TSTD2: variants seen among roughly 807,000 people sequenced by gnomAD.
TSTD2 encodes thiosulfate sulfurtransferase like domain containing 2.
Under a neutral mutation model 47.9 loss-of-function variants are expected in TSTD2, and 37 were observed. The observed-to-expected ratio is 0.77, with a 90% CI of 0.59 to 1.02. The LOEUF (loss-of-function observed/expected upper bound fraction) is 1.02. TSTD2 is among the 50% of genes least tolerant of loss of function. TSTD2 has a pLI of 0.00. For synonymous variants in TSTD2, 201 were observed against 215.9 expected (o/e 0.93, Z 0.61); for missense variants, 586 against 616.0 (o/e 0.95, Z 0.52).
chr9:97,630,325 G>C (rs894217394), intron 1 of TSTD2, among the ~76,000 whole-genome samples: 7 of 152,106 alleles, frequency 4.6e-5, no homozygotes, highest in African/African-American at 1.4e-4. Context: ...AGCTTATTTT[G>C]ATTTATGTAC....
rs749897693 is a variant in TSTD2, at chr9:97,605,611, T to G, written c.985A>C (p.Ile329Leu). 5 of 1,614,242 alleles carry G rather than the reference T, an allele frequency of 3.1e-6. No individual in the cohort carries two copies. The East Asian group carries it at 1.1e-4, about 36-fold the overall frequency. ...GRFQGCLAPD[I>L]RKFSYFPSYV... ...CTAGGGAAGTAACTGAATTTCCTGATGTCTGGGGCTAAGCAGCCTTGGAAT... is the reference window on the plus strand; with the variant it reads ...CTAGGGAAGTAACTGAATTTCCTGAGGTCTGGGGCTAAGCAGCCTTGGAAT... The change falls in exon 8 of 10, where the codon ATC becomes CTC. Residue 329 changes from isoleucine (I) to leucine (L), a missense_variant. Coordinates refer to ENST00000341170, the MANE Select transcript of TSTD2 (RefSeq NM_139246.5).
Position 97,610,149 on chromosome 9 carries a change from C to G in TSTD2, c.835+197G>C, listed in dbSNP as rs1259462707. On this transcript the variant is annotated intron_variant, in intron 6 of 9. Coordinates refer to ENST00000341170, the MANE Select transcript of TSTD2 (RefSeq NM_139246.5). ...TCACCAAGAGGAATAAGATAGGTCA[C>G]TCGAAGAGGTGAGTCTTCAACCCCA... The G allele has an allele frequency of 5.5e-5, 24 of 432,556 alleles. No individual in the cohort carries two copies. The East Asian group carries it at 8.0e-4, about 14-fold the overall frequency. The allele number at this position is 432,556 out of a possible 1,614,324, so 26.8% of individuals were successfully genotyped here.
chr9:97,600,458 C>T lies in TSTD2; in HGVS notation c.*2011G>A, dbSNP rs1826231675. The stretch of plus-strand genomic sequence containing the variant: ...TTTAATACTGGAGTTAGAACTTTTT[C>T]CTTATTGAATGCCAACCTTATGATG... On this transcript the variant is annotated 3_prime_UTR_variant, in exon 10 of 10. Coordinates refer to ENST00000341170, the MANE Select transcript of TSTD2 (RefSeq NM_139246.5). The T allele has an allele frequency of 1.0e-6, 1 of 985,462 alleles. No individual in the cohort carries two copies. Among genetic ancestry groups the T allele is most frequent in the Non-Finnish European group, 1.2e-6 (1 of 830,060 alleles). The allele number at this position is 985,462 out of a possible 1,614,324, so 61.0% of individuals were successfully genotyped here.
Position 97,627,432 on chromosome 9 carries a change from C to T in TSTD2, c.131G>A (p.Ser44Asn). The change falls in exon 2 of 10, where the codon AGT becomes AAT. Residue 44 changes from serine to asparagine, a missense_variant. Coordinates refer to ENST00000341170, the MANE Select transcript of TSTD2 (RefSeq NM_139246.5). ...SSSLKAELDGSTKKKYSFAKK... is the reference protein window; with the variant it reads ...SSSLKAELDGNTKKKYSFAKK... ...TGCAAACGAGTATTTCTTTTTTGTA[C>T]TGCCATCTAATTCTGCTTTAAGACT... 1 of 1,603,630 alleles carries T rather than the reference C, an allele frequency of 6.2e-7. No homozygotes were observed. The highest frequency in any genetic ancestry group is 8.5e-7 in the Non-Finnish European group (1 of 1,174,506).
At chr9:97,619,634 C>T (rs1212574768) in intron 3 of TSTD2, among the ~76,000 whole-genome samples, 1 of 151,976 alleles carries the variant, frequency 6.6e-6, no homozygotes, top group Non-Finnish European at 1.5e-5. Flanking sequence ...AGTCACTGCA[C>T]CTGGCCTCTT....
At chr9:97,613,551 G>A (rs1826492741) in intron 4 of TSTD2, among the ~76,000 whole-genome samples, 1 of 152,122 alleles carries the variant, frequency 6.6e-6, no homozygotes, top group Admixed American at 6.5e-5. Flanking sequence ...GCCCTGCAGA[G>A]TTGGTTGTTT....
Position 97,633,358 on chromosome 9 carries a change from T to C in TSTD2, c.-166A>G, listed in dbSNP as rs1310738225. 3 of 376,822 alleles carry C rather than the reference T, an allele frequency of 8.0e-6. No homozygotes were observed. Among genetic ancestry groups the C allele is most frequent in the Non-Finnish European group, 1.4e-5 (3 of 212,194 alleles). 23.3% of individuals were successfully genotyped at this position (376,822 alleles called of 1,614,324 possible). A position where few individuals can be genotyped will look rare whatever the true frequency, so the allele number is the denominator to read the frequency against. ...CCGCCGCGTATTTGGGTAGAAAAGC[T>C]CGCTCGTGACGTCACCAAGCTCCGG... is the stretch of plus-strand genomic sequence containing the variant. On this transcript the variant is annotated 5_prime_UTR_variant, in exon 1 of 10. Transcript: ENST00000341170.
At chr9:97,606,649 C>A (rs1328600650) in intron 6 of TSTD2, among the ~76,000 whole-genome samples, 3 of 152,188 alleles carry the variant, frequency 2.0e-5, no homozygotes, top group Non-Finnish European at 4.4e-5. Context: ...ATGGCCACTG[C>A]TCTATTGTCA....
At chr9:97,603,306 T>C (rs1826303436) in intron 9 of TSTD2, among the ~76,000 whole-genome samples, 1 of 152,256 alleles carries the variant, frequency 6.6e-6, no homozygotes, top group South Asian at 2.1e-4. Flanking sequence ...TGTTTTTCCC[T>C]GATGACCTCC....
chr9:97,611,367 T>C (rs1320178884), intron 5 of TSTD2, among the ~76,000 whole-genome samples: 1 of 151,604 alleles, frequency 6.6e-6, no homozygotes, highest in African/African-American at 2.4e-5. Flanking sequence ...CAGTGAGCCA[T>C]GATCACGCCA....
intron 1 of TSTD2, among the ~76,000 whole-genome samples, chr9:97,632,691 A>G (rs1197855125): frequency 6.6e-6 from 1 of 152,182 alleles, no homozygotes; most frequent in Non-Finnish European, 1.5e-5. Flanking sequence ...CGGCCGTCAT[A>G]GGAGACTTTT....
intron 6 of TSTD2, 61 bp downstream of exon 6, chr9:97,610,285 T>C (rs1826435531): frequency 1.4e-6 from 2 of 1,459,384 alleles, no homozygotes; most frequent in African/African-American, 1.4e-5. Context: ...CTAGCTTTCT[T>C]ATTTGTCTAT....
rs1413522089 is a variant in TSTD2, at chr9:97,600,240, A to C, written c.*2229T>G. 2.0e-6 allele frequency: 2 copies of C among 988,504 alleles called. No homozygotes were observed. Among genetic ancestry groups the C allele is most frequent in the East Asian group, 2.2e-4 (2 of 8,948 alleles). The allele number at this position is 988,504 out of a possible 1,614,324, so 61.2% of individuals were successfully genotyped here. A position where few individuals can be genotyped will look rare whatever the true frequency, so the allele number is the denominator to read the frequency against. On this transcript the variant is annotated 3_prime_UTR_variant, in exon 10 of 10. Coordinates refer to ENST00000341170, the MANE Select transcript of TSTD2 (RefSeq NM_139246.5). Reference sequence around the variant, plus strand: ...TCCAGAACACAATTTTCCCCTCAGAACAGATAGACAGACTGAAGCCACTGA... The same window carrying C: ...TCCAGAACACAATTTTCCCCTCAGACCAGATAGACAGACTGAAGCCACTGA...
intron 2 of TSTD2, among the ~76,000 whole-genome samples, chr9:97,626,509 C>T (rs772603078): frequency 4.6e-5 from 7 of 152,194 alleles, no homozygotes; most frequent in African/African-American, 7.2e-5. Context: ...CAGGAAGAAA[C>T]GTACCAAAAT....
rs572616761 is a variant in TSTD2 at position 97,606,064 on chromosome 9, G to A, written c.954+79C>T. 3.3e-4 allele frequency: 351 copies of A among 1,078,664 alleles called. No individual in the cohort carries two copies. In the African/African-American group the frequency reaches 5.2e-3, roughly 16 times the overall value. The allele number at this position is 1,078,664 out of a possible 1,614,324, so 66.8% of individuals were successfully genotyped here. A position where few individuals can be genotyped will look rare whatever the true frequency, so the allele number is the denominator to read the frequency against. On this transcript the variant is annotated intron_variant, in intron 7 of 9. Coordinates refer to ENST00000341170, the MANE Select transcript of TSTD2 (RefSeq NM_139246.5). ...GTGGCCACAGGTGGGCACACACAAG[G>A]TCCCCTTGGGAAATATACCACACTG... is the stretch of plus-strand genomic sequence containing the variant.
In TSTD2 at chr9:97,627,275, T is replaced by C. The variant is rs1046887323; in HGVS notation, c.165+123A>G. 3.5e-6 allele frequency: 5 copies of C among 1,420,076 alleles called. No homozygotes were observed. In the African/African-American group the frequency reaches 4.3e-5, roughly 12 times the overall value. The allele number at this position is 1,420,076 out of a possible 1,614,324, so 88.0% of individuals were successfully genotyped here. ...CCCTTTGCCTGGGATGGAATTAACA[T>C]CACTGGTTAATGTTCCTGACTAGAC... On this transcript the variant is annotated intron_variant, in intron 2 of 9. Transcript: ENST00000341170.
At chr9:97,622,603 CAG>C (rs1441330354) in intron 3 of TSTD2, among the ~76,000 whole-genome samples, 2 of 152,342 alleles carry the variant, frequency 1.3e-5, no homozygotes, top group Non-Finnish European at 1.5e-5. Flanking sequence ...CGAAAAGATG[CAG>C]ACACTCAACC....
At position 97,625,899 on chromosome 9, in the gene TSTD2, G is replaced by A; in HGVS notation, c.264C>T (p.Asp88=). ...LWKCCRQLFT[D]QTSIHRHVAT... is the part of the protein sequence containing the mutation. ...CCACATGTCTATGGATGCTGGTTTG[G>A]TCTGTGAATAGCTGCCGACAGCATT... is the stretch of plus-strand genomic sequence containing the variant. The change falls in exon 3 of 10, where the codon GAC becomes GAT. Residue 88 remains aspartate, a synonymous_variant. Coordinates refer to ENST00000341170, the MANE Select transcript of TSTD2 (RefSeq NM_139246.5). 1.2e-6 allele frequency: 2 copies of A among 1,614,136 alleles called. No individual in the cohort carries two copies. The highest frequency in any genetic ancestry group is 1.7e-6 in the Non-Finnish European group (2 of 1,179,984).
chr9:97,622,650 C>T (rs1385824656), intron 3 of TSTD2, among the ~76,000 whole-genome samples: 3 of 152,258 alleles, frequency 2.0e-5, no homozygotes, highest in African/African-American at 4.8e-5. Flanking sequence ...GGAGGCTATA[C>T]CCGCAAAGCC....
Sources: allele counts gnomAD v4.1 joint callset (sites outside exome capture counted in the v4.1 genomes callset), GRCh38; gene constraint gnomAD v4.1.1; transcripts MANE v1.5; gene names NCBI Gene and HGNC (gene_info 2026-07-23, HGNC 2026-07-21).